The following ADORA2B variants were observed in gnomAD, a reference collection of about 807,000 sequenced individuals.
ADORA2B encodes the protein adenosine A2b receptor, also known as adenosine receptor A2b.
ADORA2B carries 18 observed loss-of-function variants against 20.8 expected under a neutral mutation model. The observed-to-expected ratio is 0.87, with a 90% CI of 0.60 to 1.29. The LOEUF is 1.29. ADORA2B is among the 50% of genes most tolerant of loss of function. The probability of loss-of-function intolerance (pLI) is 0.00; values close to 1 mark genes in which losing one functional copy is unlikely to be tolerated. For missense variants in ADORA2B, 441 were observed against 422.7 expected (o/e 1.04, Z -0.38); for synonymous variants, 179 against 178.3 (o/e 1.00, Z -0.03).
the ADORA2B span, among the ~76,000 whole-genome samples, chr17:15,879,267 A>G: frequency 3.9e-5 from 6 of 152,190 alleles, no homozygotes; most frequent in East Asian, 1.2e-3. Context: ...TCAGGTCAAC[A>G]TAGCAAGACC....
the ADORA2B span, among the ~76,000 whole-genome samples, chr17:15,881,187 T>C: frequency 1.3e-5 from 2 of 152,120 alleles, no homozygotes; most frequent in African/African-American, 4.8e-5. Flanking sequence ...CTGCAACCTC[T>C]GCCTCCCGGG....
intron 1 of ADORA2B, among the ~76,000 whole-genome samples, chr17:15,957,566 G>A (rs1233547398): frequency 1.3e-5 from 2 of 152,160 alleles, no homozygotes; most frequent in Non-Finnish European, 2.9e-5. Flanking sequence ...CCTGGGTGAT[G>A]CCATCCTGAA....
At chr17:15,866,984 G>A in the ADORA2B span, among the ~76,000 whole-genome samples, 1 of 152,392 alleles carries the variant, frequency 6.6e-6, no homozygotes. Context: ...ACGGGGTTTC[G>A]ATGTGTTGGC....
At chr17:15,858,949 T>C in the ADORA2B span, 4 of 152,222 alleles carry the variant, frequency 2.6e-5, no homozygotes, top group African/African-American at 9.6e-5. Context: ...TCCTGCCAGC[T>C]GCACCTCTCA....
chr17:15,894,425 G>A, the ADORA2B span, among the ~76,000 whole-genome samples: 5 of 152,304 alleles, frequency 3.3e-5, no homozygotes, highest in African/African-American at 1.2e-4. Flanking sequence ...GAGCCAGGGC[G>A]AAGGAGTAGC....
At chr17:15,938,188 AGAAG>A in the ADORA2B span, among the ~76,000 whole-genome samples, 60 of 152,228 alleles carry the variant, frequency 3.9e-4, no homozygotes, top group Non-Finnish European at 5.7e-4. Context: ...GAGAAAAAAA[AGAAG>A]GAAGGAAGGA....
intron 1 of ADORA2B, among the ~76,000 whole-genome samples, chr17:15,966,844 T>C (rs1970124035): frequency 6.6e-6 from 1 of 152,252 alleles, no homozygotes; most frequent in African/African-American, 2.4e-5. Flanking sequence ...TTCAGTCGCC[T>C]GTTATTCACT....
chr17:15,933,920 G>A, the ADORA2B span, among the ~76,000 whole-genome samples: 2 of 152,076 alleles, frequency 1.3e-5, no homozygotes, highest in Non-Finnish European at 2.9e-5. Flanking sequence ...CAAAATCCTT[G>A]TCTTATTCTT....
chr17:15,908,003 G>A, the ADORA2B span, among the ~76,000 whole-genome samples: 15 of 152,290 alleles, frequency 9.8e-5, no homozygotes, highest in African/African-American at 3.1e-4. Context: ...CACTGTGCTG[G>A]GAGCCTGGGG....
the ADORA2B span, among the ~76,000 whole-genome samples, chr17:15,882,830 G>A: frequency 6.6e-6 from 1 of 152,316 alleles, no homozygotes; most frequent in African/African-American, 2.4e-5. Context: ...TGGGCCGTTT[G>A]TCTCAGGTTT....
At chr17:15,938,127 A>G in the ADORA2B span, among the ~76,000 whole-genome samples, 1 of 151,940 alleles carries the variant, frequency 6.6e-6, no homozygotes, top group Non-Finnish European at 1.5e-5. Context: ...AGTGGATCAC[A>G]TGAGCCCTGG....
chr17:15,933,317 T>C, the ADORA2B span, among the ~76,000 whole-genome samples: 4 of 152,202 alleles, frequency 2.6e-5, no homozygotes, highest in Admixed American at 2.6e-4. Context: ...ATATAATTTT[T>C]AGGATCAGCT....
the ADORA2B span, among the ~76,000 whole-genome samples, chr17:15,882,013 C>G: frequency 6.6e-6 from 1 of 152,184 alleles, no homozygotes; most frequent in Non-Finnish European, 1.5e-5. Context: ...AGGCATGGAA[C>G]GCAGCTCCCC....
chr17:15,905,245 T>G, the ADORA2B span, among the ~76,000 whole-genome samples: 2 of 149,488 alleles, frequency 1.3e-5, no homozygotes, highest in African/African-American at 4.9e-5. Flanking sequence ...ATCCTGCACA[T>G]ATTTTGTTAG....
chr17:15,871,331 T>C, the ADORA2B span, among the ~76,000 whole-genome samples: 1 of 152,218 alleles, frequency 6.6e-6, no homozygotes, highest in African/African-American at 2.4e-5. Flanking sequence ...CCCATCAGCC[T>C]CTTCCTCGGG....
At chr17:15,930,004 G>C in the ADORA2B span, among the ~76,000 whole-genome samples, 1 of 152,172 alleles carries the variant, frequency 6.6e-6, no homozygotes, top group Non-Finnish European at 1.5e-5. Context: ...ATGTTTAAGA[G>C]GATGTTAAAA....
chr17:15,958,146 G>A (rs995999321), intron 1 of ADORA2B, among the ~76,000 whole-genome samples: 3 of 152,088 alleles, frequency 2.0e-5, no homozygotes, highest in Non-Finnish European at 2.9e-5. Context: ...AGCCTCGCGA[G>A]TAGCTGGGAT....
chr17:15,952,174 A>C (rs1414266231), intron 1 of ADORA2B, among the ~76,000 whole-genome samples: 1 of 152,126 alleles, frequency 6.6e-6, no homozygotes, highest in Non-Finnish European at 1.5e-5. Flanking sequence ...GCAGGACCCA[A>C]TCCCTGTATC....
intron 1 of ADORA2B, among the ~76,000 whole-genome samples, chr17:15,960,942 C>T (rs1229910672): frequency 9.3e-5 from 14 of 150,848 alleles, no homozygotes; most frequent in Non-Finnish European, 1.5e-5. Flanking sequence ...CCGAGGCGGG[C>T]GATTCACGAG....
Sources: gnomAD v4.1 joint callset for allele counts (sites outside exome capture counted in the v4.1 genomes callset) on GRCh38, gnomAD v4.1.1 for gene constraint, MANE v1.5 for transcripts, NCBI Gene and HGNC (gene_info 2026-07-23, HGNC 2026-07-21) for gene names.